The following DDC variants were observed in gnomAD, a reference collection of about 807,000 sequenced individuals.
DDC encodes aromatic-L-amino-acid decarboxylase.
A neutral mutation model predicts 60.0 loss-of-function variants in DDC; 43 were observed. The observed-to-expected ratio is 0.72, with a 90% CI of 0.56 to 0.92. The LOEUF (loss-of-function observed/expected upper bound fraction) is 0.92. DDC is among the 40% of genes least tolerant of loss of function. The pLI is 0.00. For synonymous variants in DDC, 232 were observed against 234.6 expected (o/e 0.99, Z 0.10); for missense variants, 573 against 620.2 (o/e 0.92, Z 0.81).
At chr7:50,471,904 C>A (rs574767559) in intron 11 of DDC, among the ~76,000 whole-genome samples, 11 of 152,280 alleles carry the variant, frequency 7.2e-5, no homozygotes, top group African/African-American at 2.6e-4. Context: ...GCGCTGTGTT[C>A]CAAAATCATT....
chr7:50,543,718 C>T (rs887712773), intron 2 of DDC, among the ~76,000 whole-genome samples, 167 bp downstream of exon 2: 1 of 152,204 alleles, frequency 6.6e-6, no homozygotes, highest in East Asian at 1.9e-4. Context: ...ACCACCTAAC[C>T]TCTCTGAGCC....
intron 11 of DDC, among the ~76,000 whole-genome samples, chr7:50,471,322 G>A (rs1367622653): frequency 6.6e-6 from 1 of 152,240 alleles, no homozygotes; most frequent in African/African-American, 2.4e-5. Context: ...GGAGGTTGCA[G>A]TGAGCCAAGA....
chr7:50,509,015 G>A (rs191734288), intron 6 of DDC, among the ~76,000 whole-genome samples: 1 of 152,176 alleles, frequency 6.6e-6, no homozygotes, highest in East Asian at 1.9e-4. Flanking sequence ...TCAGCAACAG[G>A]CTTTCCAAAT....
chr7:50,557,388 A>T (rs2045220128), intron 1 of DDC, among the ~76,000 whole-genome samples: 1 of 152,226 alleles, frequency 6.6e-6, no homozygotes, highest in East Asian at 1.9e-4. Flanking sequence ...CTGGCTGGAA[A>T]AATTCATAAC....
chr7:50,471,590 T>G (rs897989841), intron 11 of DDC, among the ~76,000 whole-genome samples: 3 of 152,030 alleles, frequency 2.0e-5, no homozygotes, highest in African/African-American at 7.3e-5. Flanking sequence ...GTTGACACAT[T>G]ATCTCCTTTG....
chr7:50,514,232 A>G (rs1392941472), intron 6 of DDC, among the ~76,000 whole-genome samples: 1 of 152,194 alleles, frequency 6.6e-6, no homozygotes, highest in Admixed American at 6.5e-5. Flanking sequence ...AGAGACAACA[A>G]TCACTGCAGT....
At chr7:50,485,611 C>A (rs2042864445) in intron 9 of DDC, among the ~76,000 whole-genome samples, 2 of 152,272 alleles carry the variant, frequency 1.3e-5, no homozygotes, top group East Asian at 1.9e-4. Flanking sequence ...TTAGTTTAAA[C>A]TCTTAGGAAT....
intron 7 of DDC, among the ~76,000 whole-genome samples, chr7:50,499,517 G>A (rs998264408): frequency 3.9e-5 from 6 of 152,136 alleles, no homozygotes; most frequent in Admixed American, 1.3e-4. Flanking sequence ...AACTCCAAGG[G>A]ACCATCGTGT....
chr7:50,534,153 G>C (rs992007165), intron 4 of DDC, among the ~76,000 whole-genome samples: 4 of 152,112 alleles, frequency 2.6e-5, no homozygotes, highest in African/African-American at 9.7e-5. Flanking sequence ...AAACAAGCTT[G>C]ACCAAGATAA....
At chr7:50,542,056 C>A (rs544032121) in intron 2 of DDC, among the ~76,000 whole-genome samples, 2 of 152,074 alleles carry the variant, frequency 1.3e-5, no homozygotes, top group Admixed American at 6.6e-5. Flanking sequence ...AGGAGCTGCA[C>A]AGGCTGTGAT....
chr7:50,529,057 A>C (rs926616346), intron 5 of DDC, 151 bp downstream of exon 5: 6 of 1,037,850 alleles, frequency 5.8e-6, no homozygotes, highest in Non-Finnish European at 9.0e-6. Context: ...CCAAGAATCC[A>C]CCCCTTCCCT....
chr7:50,550,130 G>A (rs1443538962), intron 1 of DDC, among the ~76,000 whole-genome samples: 6 of 152,180 alleles, frequency 3.9e-5, no homozygotes, highest in African/African-American at 1.4e-4. Flanking sequence ...GATCGATGCA[G>A]CAAACTTCAT....
At position 50,543,985 on chromosome 7, in the gene DDC, T is replaced by C; in HGVS notation, c.101A>G (p.Glu34Gly). 1 of 1,614,144 alleles carries C rather than the reference T, an allele frequency of 6.2e-7. No homozygotes were observed. Among genetic ancestry groups the C allele is most frequent in the Non-Finnish European group, 8.5e-7 (1 of 1,179,994 alleles). ...GATCAGCGGCCGCAGGTACCCGGGC[T>C]CCACGTCAGGGTAGACCTGGCGTCC... is the stretch of plus-strand genomic sequence containing the variant. ...IEGRQVYPDV[E>G]PGYLRPLIPA... The change falls in exon 2 of 15, where the codon GAG becomes GGG. Residue 34 changes from glutamate (E) to glycine (G), a missense_variant. Coordinates refer to ENST00000444124, the MANE Select transcript of DDC (RefSeq NM_001082971.2).
rs2042423945 is a variant in DDC, at chr7:50,467,448, T to A, written c.1141-133A>T. ...CTTGGCAATTTTCCTCAAGTGCTTTTACCGTTCACTGACCAGCTGTTTCCA... is the reference window on the plus strand; with the variant it reads ...CTTGGCAATTTTCCTCAAGTGCTTTAACCGTTCACTGACCAGCTGTTTCCA... On this transcript the variant is annotated intron_variant, in intron 12 of 14. Transcript: ENST00000444124. 6.0e-5 allele frequency: 44 copies of A among 732,590 alleles called. No individual in the cohort carries two copies. In the South Asian group the frequency reaches 6.3e-4, roughly 11 times the overall value. The allele number at this position is 732,590 out of a possible 1,614,324, so 45.4% of individuals were successfully genotyped here.
intron 10 of DDC, among the ~76,000 whole-genome samples, chr7:50,479,136 A>C (rs2042711944): frequency 6.6e-6 from 1 of 152,204 alleles, no homozygotes; most frequent in Non-Finnish European, 1.5e-5. Context: ...TGCAAAAGCC[A>C]AGAATTGTGC....
rs2044566817 is a variant in DDC, at chr7:50,539,979, C to T, written c.251G>A (p.Ser84Asn). Reference sequence around the variant, plus strand: ...GTCCGCAAGCATGGCCGGGTACGAGCTGGCAGTGGGGAAGTAGGCGAAGAA... The same window carrying T: ...GTCCGCAAGCATGGCCGGGTACGAGTTGGCAGTGGGGAAGTAGGCGAAGAA... ...PYFFAYFPTASSYPAMLADML... is the reference protein window; with the variant it reads ...PYFFAYFPTANSYPAMLADML... The change falls in exon 3 of 15, where the codon AGC becomes AAC. Residue 84 changes from serine to asparagine, a missense_variant. Transcript: ENST00000444124. 9.3e-6 allele frequency: 15 copies of T among 1,614,046 alleles called. No homozygotes were observed. Among genetic ancestry groups the T allele is most frequent in the Non-Finnish European group, 1.2e-5 (14 of 1,179,982 alleles).
At chr7:50,496,769 CT>C (rs2043136533) in intron 8 of DDC, among the ~76,000 whole-genome samples, 2 of 152,104 alleles carry the variant, frequency 1.3e-5, no homozygotes, top group Non-Finnish European at 2.9e-5. Context: ...TACTGGGAAA[CT>C]TTTCAGTCTT....
At chr7:50,480,065 C>A in intron 9 of DDC, 1 of 589,422 alleles carries the variant, frequency 1.7e-6, no homozygotes. Context: ...TCTTTGTTAC[C>A]AGTTCCTGGC....
intron 10 of DDC, among the ~76,000 whole-genome samples, chr7:50,476,938 T>C (rs1439162051): frequency 6.6e-6 from 1 of 152,258 alleles, no homozygotes; most frequent in African/African-American, 2.4e-5. Context: ...TTTCATCTAG[T>C]GCCCAGTAGA....
Sources: gnomAD v4.1 joint callset for allele counts (sites outside exome capture counted in the v4.1 genomes callset) on GRCh38, gnomAD v4.1.1 for gene constraint, MANE v1.5 for transcripts, NCBI Gene and HGNC (gene_info 2026-07-23, HGNC 2026-07-21) for gene names.